The following PPA1 variants were observed in gnomAD, a reference collection of about 807,000 sequenced individuals.
The protein encoded by PPA1 is inorganic pyrophosphatase 1.
PPA1 carries 23 observed loss-of-function variants against 41.8 expected under a neutral mutation model. That is an observed-to-expected ratio of 0.55 (90% CI 0.40 to 0.78). The LOEUF is 0.78. PPA1 is among the 30% of genes least tolerant of loss of function. PPA1 has a pLI of 0.00. For synonymous variants in PPA1, 101 were observed against 116.8 expected, an observed-to-expected ratio of 0.86 and a Z score of 0.87; for missense variants, 320 against 361.6, an observed-to-expected ratio of 0.89 and a Z score of 0.93.
intron 8 of PPA1, 88 bp downstream of exon 8, chr10:70,209,117 G>A: frequency 3.3e-6 from 3 of 903,820 alleles, no homozygotes; most frequent in Non-Finnish European, 4.9e-6. Flanking sequence ...CTAAGTGAAA[G>A]TAACAGTACA....
At chr10:70,216,462 G>A (rs10999193) in intron 4 of PPA1, among the ~76,000 whole-genome samples, 6,850 of 150,012 alleles carry the variant, frequency 0.046, 337 homozygotes, top group African/African-American at 0.12. Flanking sequence ...ACTCCAGCCC[G>A]GGCGACAGTG....
At chr10:70,231,878 G>A (rs1255663334) in intron 1 of PPA1, among the ~76,000 whole-genome samples, 1 of 152,146 alleles carries the variant, frequency 6.6e-6, no homozygotes, top group Non-Finnish European at 1.5e-5. Context: ...AATAACCTAA[G>A]TAAAAGCAGT....
chr10:70,209,934 T>C (rs570223759), intron 6 of PPA1: 46 of 454,498 alleles, frequency 1.0e-4, no homozygotes, highest in Non-Finnish European at 1.1e-4. Context: ...TGAATAGCTC[T>C]GACACTAAGT....
intron 2 of PPA1, among the ~76,000 whole-genome samples, chr10:70,227,650 CAAAAAAAAAAAA>C (rs11382289): frequency 9.3e-5 from 7 of 75,138 alleles, no homozygotes; most frequent in Non-Finnish European, 1.4e-4. Flanking sequence ...AACCCTATCT[CAAAAAAAAAAAA>C]AAAAAAAAAA....
chr10:70,212,667 G>A (rs759538463), intron 6 of PPA1, among the ~76,000 whole-genome samples: 5 of 152,174 alleles, frequency 3.3e-5, no homozygotes, highest in Admixed American at 6.5e-5. Flanking sequence ...AAGACAAAAA[G>A]CAGATTAGTG....
intron 6 of PPA1, 76 bp downstream of exon 6, chr10:70,213,387 T>C: frequency 1.9e-6 from 3 of 1,545,672 alleles, no homozygotes; most frequent in Non-Finnish European, 2.6e-6. Flanking sequence ...GGGCTTACAA[T>C]TCTGTCATTA....
chr10:70,213,199 A>G (rs1334995359), intron 6 of PPA1, among the ~76,000 whole-genome samples: 1 of 152,258 alleles, frequency 6.6e-6, no homozygotes, highest in Admixed American at 6.5e-5. Context: ...ATAAATAAAC[A>G]TACCAACTGA....
chr10:70,204,603 G>C (rs1839916246), intron 10 of PPA1: 1 of 353,800 alleles, frequency 2.8e-6, no homozygotes, highest in Admixed American at 4.5e-5. Flanking sequence ...GTGATCTATT[G>C]CACAGGATGG....
chr10:70,220,599 ATTT>A lies in PPA1; in HGVS notation c.124-1785_124-1783del, dbSNP rs1323676465. Among the ~76,000 whole-genome samples, 51 of 14,528 alleles carry A rather than the reference ATTT, an allele frequency of 3.5e-3. 7 individuals are homozygous for A. The highest frequency in any genetic ancestry group is 0.011 in the African/African-American group (50 of 4,678). 9.5% of individuals were successfully genotyped at this position (14,528 alleles called of 152,430 possible). Reference sequence around the variant, plus strand: ...TATATATAATTATATATTATATATAATTTATATATATATTATATATAATTTATA... The same window carrying A: ...TATATATAATTATATATTATATATAAATATATATATTATATATAATTTATA... On this transcript the variant is annotated intron_variant, in intron 2 of 10. Coordinates refer to ENST00000373232, the MANE Select transcript of PPA1 (RefSeq NM_021129.4).
At chr10:70,208,794 C>CT (rs141989298) in intron 8 of PPA1, among the ~76,000 whole-genome samples, 2,205 of 126,626 alleles carry the variant, frequency 0.017, 32 homozygotes, top group Middle Eastern at 0.028. Context: ...TTCTCGTACT[C>CT]TTTTTTTTTT....
Position 70,208,388 on chromosome 10 carries a change from G to C in PPA1, c.725+817C>G, listed in dbSNP as rs144542290. Among the ~76,000 whole-genome samples, 1,348 of 152,072 alleles carry C rather than the reference G, an allele frequency of 8.9e-3. 14 individuals carry two copies. Among genetic ancestry groups the C allele is most frequent in the African/African-American group, 0.03 (1,249 of 41,490 alleles). ...GGGTCTTGCTCAGGTGCCCCAGTTG[G>C]AGTGCAGTGGGGCAATCACAGCTCA... On this transcript the variant is annotated intron_variant, in intron 8 of 10. Transcript: ENST00000373232.
chr10:70,210,340 G>A, intron 6 of PPA1: 2 of 1,358,820 alleles, frequency 1.5e-6, no homozygotes, highest in Non-Finnish European at 2.0e-6. Context: ...GCTTCCCAAA[G>A]CACTGGGATT....
chr10:70,221,957 T>C (rs1840175099), intron 2 of PPA1, among the ~76,000 whole-genome samples: 1 of 151,868 alleles, frequency 6.6e-6, no homozygotes, highest in African/African-American at 2.4e-5. Flanking sequence ...AGGAAAAAAA[T>C]AACAAGGAAG....
At chr10:70,209,736 GAAA>G (rs1348930168) in intron 6 of PPA1, 51 bp from the exon 7 acceptor site, 1 of 1,512,576 alleles carries the variant, frequency 6.6e-7, no homozygotes, top group African/African-American at 1.4e-5. Context: ...TTTTTAAAAA[GAAA>G]GAAGAGAATA....
chr10:70,206,217 T>C, intron 9 of PPA1, 47 bp downstream of exon 9: 4 of 1,462,360 alleles, frequency 2.7e-6, no homozygotes, highest in Non-Finnish European at 3.8e-6. Flanking sequence ...AGCATCATAG[T>C]TTTTAGCAAC....
At chr10:70,211,313 A>G (rs1428570532) in intron 6 of PPA1, among the ~76,000 whole-genome samples, 1 of 152,230 alleles carries the variant, frequency 6.6e-6, no homozygotes, top group African/African-American at 2.4e-5. Flanking sequence ...ACACCAACTG[A>G]GTGCTCAGTA....
Position 70,230,415 on chromosome 10 carries a change from G to C in PPA1, c.65-16C>G. ...TTCTCATTTTCTGCAAAATAAATTA[G>C]AAAAAGTTATTACTATAATTAATTG... On this transcript the variant is annotated splice_polypyrimidine_tract_variant and intron_variant, in intron 1 of 10. Coordinates refer to ENST00000373232, the MANE Select transcript of PPA1 (RefSeq NM_021129.4). The C allele has an allele frequency of 6.3e-7, 1 of 1,593,802 alleles. No homozygotes were observed. The highest frequency in any genetic ancestry group is 1.3e-5 in the African/African-American group (1 of 74,256).
At chr10:70,215,468 T>C (rs1564582699) in intron 4 of PPA1, among the ~76,000 whole-genome samples, 3 of 151,886 alleles carry the variant, frequency 2.0e-5, no homozygotes, top group African/African-American at 7.3e-5. Context: ...TTTTTCTTCT[T>C]CCTTTTTTTT....
At chr10:70,209,810 G>C in intron 6 of PPA1, 125 bp from the exon 7 acceptor site, 3 of 1,138,948 alleles carry the variant, frequency 2.6e-6, no homozygotes, top group Non-Finnish European at 3.8e-6. Flanking sequence ...TACTTATTTT[G>C]AAAGAGCTGT....
Sources: allele counts gnomAD v4.1 joint callset (sites outside exome capture counted in the v4.1 genomes callset), GRCh38; gene constraint gnomAD v4.1.1; transcripts MANE v1.5; gene names NCBI Gene and HGNC (gene_info 2026-07-23, HGNC 2026-07-21).